PLEKHA1: variants seen among roughly 807,000 people sequenced by gnomAD.
PLEKHA1 encodes pleckstrin homology domain-containing family A member 1.
A neutral mutation model predicts 52.0 loss-of-function variants in PLEKHA1; 34 were observed. The ratio of observed to expected loss-of-function variants is 0.65; its 90% CI spans 0.50 to 0.87. PLEKHA1 has a LOEUF of 0.87. Among genes scored for constraint, PLEKHA1 ranks in the 40% least tolerant of loss-of-function variants. PLEKHA1 has a pLI of 0.00. For missense variants in PLEKHA1, 497 were observed against 504.2 expected, an observed-to-expected ratio of 0.99 and a Z score of 0.14; for synonymous variants, 163 against 170.7, an observed-to-expected ratio of 0.95 and a Z score of 0.35.
intron 6 of PLEKHA1, among the ~76,000 whole-genome samples, chr10:122,413,255 A>C (rs139191322): frequency 6.6e-6 from 1 of 152,160 alleles, no homozygotes; most frequent in African/African-American, 2.4e-5. Context: ...GCCTTTCTTC[A>C]TGTACTTTTC....
At chr10:122,415,119 G>A (rs1350005231) in intron 6 of PLEKHA1, among the ~76,000 whole-genome samples, 1 of 152,018 alleles carries the variant, frequency 6.6e-6, no homozygotes, top group Admixed American at 6.6e-5. Context: ...TGGAAATATA[G>A]CAATAAAAAG....
In PLEKHA1 at chr10:122,430,122, T is replaced by A; in HGVS notation, c.*184T>A. On this transcript the variant is annotated 3_prime_UTR_variant, in exon 12 of 12. Transcript: ENST00000368990. ...GTGGCCAAACTAAATATAATTTCTT[T>A]AAAAAAGAAAGAAAAAGGAAAAATC... 1 of 662,486 alleles carries A rather than the reference T, an allele frequency of 1.5e-6. No homozygotes were observed. The highest frequency in any genetic ancestry group is 2.3e-6 in the Non-Finnish European group (1 of 433,966). The allele number at this position is 662,486 out of a possible 1,614,324, so 41.0% of individuals were successfully genotyped here.
rs1441141172 is a variant in PLEKHA1 at position 122,431,703 on chromosome 10, T to G, written c.*1765T>G. On this transcript the variant is annotated 3_prime_UTR_variant, in exon 12 of 12. Coordinates refer to ENST00000368990, the MANE Select transcript of PLEKHA1 (RefSeq NM_001001974.4). ...CATAAAGAATGCACCACTCAACTTT[T>G]TTATTCATAAGCTAATATTTTTTTA... 6.6e-6 allele frequency: 1 copy of G among 152,670 alleles called. No individual in the cohort carries two copies. The highest frequency in any genetic ancestry group is 2.4e-5 in the African/African-American group (1 of 41,478). 9.5% of individuals were successfully genotyped at this position (152,670 alleles called of 1,614,324 possible). A position where few individuals can be genotyped will look rare whatever the true frequency, so the allele number is the denominator to read the frequency against.
intron 11 of PLEKHA1, among the ~76,000 whole-genome samples, chr10:122,428,778 CTG>C (rs760067896): frequency 8.5e-4 from 129 of 152,222 alleles, no homozygotes; most frequent in Non-Finnish European, 1.2e-3. Context: ...TAATAGGACT[CTG>C]TAGTGTTTTG....
intron 1 of PLEKHA1, among the ~76,000 whole-genome samples, chr10:122,375,853 A>T (rs967633865): frequency 6.6e-6 from 1 of 152,166 alleles, no homozygotes; most frequent in Admixed American, 6.5e-5. Flanking sequence ...TTATTTTACA[A>T]TTGATCGTTG....
chr10:122,407,399 ATG>A (rs2097034745), intron 5 of PLEKHA1, among the ~76,000 whole-genome samples: 1 of 152,318 alleles, frequency 6.6e-6, no homozygotes, highest in African/African-American at 2.4e-5. Flanking sequence ...TTTTACTTAA[ATG>A]AACTGGAAAA....
downstream of PLEKHA1, chr10:122,435,760 C>A (rs1413511034): frequency 6.6e-6 from 1 of 151,902 alleles, no homozygotes; most frequent in Non-Finnish European, 1.5e-5. Context: ...CTGTCAATTT[C>A]TGTTTCTGTA....
At position 122,393,343 on chromosome 10, in the gene PLEKHA1, T is replaced by G; in HGVS notation, c.141+2T>G. The G allele has an allele frequency of 2.5e-6, 4 of 1,593,944 alleles. No homozygotes were observed. Among genetic ancestry groups the G allele is most frequent in the Non-Finnish European group, 3.4e-6 (4 of 1,171,736 alleles). On this transcript the variant is annotated splice_donor_variant, in intron 2 of 11. Coordinates refer to ENST00000368990, the MANE Select transcript of PLEKHA1 (RefSeq NM_001001974.4). LOFTEE classifies it high-confidence loss of function. This position sits in a 1 kb window ranked among gnomAD's most constrained non-coding sequence, Gnocchi z 4.5. Reference sequence around the variant, plus strand: ...GTGTGGTACATGGATAATCCACAGGTTTGTAAAATCCCAAGGATTATCTTT... The same window carrying G: ...GTGTGGTACATGGATAATCCACAGGGTTGTAAAATCCCAAGGATTATCTTT...
chr10:122,400,755 G>A (rs905350693), intron 4 of PLEKHA1, among the ~76,000 whole-genome samples: 1 of 152,208 alleles, frequency 6.6e-6, no homozygotes, highest in African/African-American at 2.4e-5. Flanking sequence ...CTTTTGGGTA[G>A]TGAGAAATGC....
chr10:122,424,377 T>A, intron 9 of PLEKHA1, 114 bp downstream of exon 9: 1 of 1,197,030 alleles, frequency 8.4e-7, no homozygotes, highest in Non-Finnish European at 1.1e-6. Flanking sequence ...TAGTTATTTT[T>A]AACTCTTTAT....
chr10:122,374,746 C>G lies in PLEKHA1; in HGVS notation c.-81C>G, dbSNP rs970564708. 6.6e-6 allele frequency: 1 copy of G among 151,794 alleles called. No homozygotes were observed. The highest frequency in any genetic ancestry group is 1.5e-5 in the Non-Finnish European group (1 of 67,964). The allele number at this position is 151,794 out of a possible 1,614,324, so 9.4% of individuals were successfully genotyped here. On this transcript the variant is annotated 5_prime_UTR_variant, in exon 1 of 12. Coordinates refer to ENST00000368990, the MANE Select transcript of PLEKHA1 (RefSeq NM_001001974.4). ...TGGCCGTCGCGGACGCCGCTCCGGG[C>G]AGCCGAGCCTCTGTGGGAGCCGGGG...
chr10:122,394,054 T>C (rs1401639372), intron 2 of PLEKHA1, among the ~76,000 whole-genome samples: 2 of 150,810 alleles, frequency 1.3e-5, no homozygotes, highest in African/African-American at 4.9e-5. Context: ...AGTTTTAAAC[T>C]TTCAACTTTC....
chr10:122,393,111 A>G lies in PLEKHA1; in HGVS notation c.-20-70A>G. On this transcript the variant is annotated intron_variant, in intron 1 of 11. Transcript: ENST00000368990. The surrounding 1 kb of genome is among the most constrained non-coding windows in gnomAD (Gnocchi z 4.5). ...TTGGCAAGTTGCCCCCTCATTGAAC[A>G]GATTTGCAGTCCATGAGAAATACTT... The G allele has an allele frequency of 7.9e-7, 1 of 1,270,632 alleles. No individual in the cohort carries two copies. The highest frequency in any genetic ancestry group is 1.1e-6 in the Non-Finnish European group (1 of 944,494). The allele number at this position is 1,270,632 out of a possible 1,614,324, so 78.7% of individuals were successfully genotyped here.
At chr10:122,425,683 A>G (rs1348088119) in intron 10 of PLEKHA1, 1 of 142,258 alleles carries the variant, frequency 7.0e-6, no homozygotes, top group Non-Finnish European at 1.5e-5. Context: ...GTGTTACTGC[A>G]CTCCAGCCTG....
At position 122,430,031 on chromosome 10, in the gene PLEKHA1, T is replaced by G. The variant is rs1022787291; in HGVS notation, c.*93T>G. On this transcript the variant is annotated 3_prime_UTR_variant, in exon 12 of 12. Transcript: ENST00000368990. Reference sequence around the variant, plus strand: ...AGATGATAAAGGGGGAAATGGTTTTTAGTGCGTATATTATACTGCCTCTTA... The same window carrying G: ...AGATGATAAAGGGGGAAATGGTTTTGAGTGCGTATATTATACTGCCTCTTA... 15 of 1,364,988 alleles carry G rather than the reference T, an allele frequency of 1.1e-5. No individual in the cohort carries two copies. The highest frequency in any genetic ancestry group is 1.5e-5 in the African/African-American group (1 of 68,572). 84.6% of individuals were successfully genotyped at this position (1,364,988 alleles called of 1,614,324 possible).
At chr10:122,400,420 G>A in intron 4 of PLEKHA1, 32 bp downstream of exon 4, 1 of 1,563,346 alleles carries the variant, frequency 6.4e-7, no homozygotes, top group Non-Finnish European at 8.7e-7. Context: ...ATTTTAAATA[G>A]ACTGATATAA....
In PLEKHA1 at chr10:122,412,967, C is replaced by G; in HGVS notation, c.390C>G (p.Arg130=). The change falls in exon 6 of 12, where the codon CGC becomes CGG. Residue 130 remains arginine (R), a synonymous_variant. Transcript: ENST00000368990. ...AGCCTAATTCTGATAACCTAAGTCG[C>G]CATGGTGAATGTGGGAAAAAGCAAG... is the stretch of plus-strand genomic sequence containing the variant. The part of the protein sequence containing the change: ...DSQPNSDNLS[R]HGECGKKQVS... 2.5e-6 allele frequency: 4 copies of G among 1,613,388 alleles called. No individual in the cohort carries two copies. Among genetic ancestry groups the G allele is most frequent in the Non-Finnish European group, 3.4e-6 (4 of 1,179,544 alleles).
intron 5 of PLEKHA1, chr10:122,412,064 G>C (rs2097113232): frequency 1.3e-5 from 2 of 152,094 alleles, no homozygotes; most frequent in Non-Finnish European, 2.9e-5. Flanking sequence ...TAGAAATAAT[G>C]ATTAACTGAG....
chr10:122,412,811 G>A, intron 5 of PLEKHA1, 109 bp from the exon 6 acceptor site: 1 of 1,173,686 alleles, frequency 8.5e-7, no homozygotes, highest in Non-Finnish European at 1.2e-6. Flanking sequence ...ATTTTTATAT[G>A]TATCTGTCAA....
Sources: allele counts gnomAD v4.1 joint callset (sites outside exome capture counted in the v4.1 genomes callset), GRCh38; gene constraint gnomAD v4.1.1; non-coding constraint Gnocchi (gnomAD v3.1); transcripts MANE v1.5; gene names NCBI Gene and HGNC (gene_info 2026-07-23, HGNC 2026-07-21).